Variants in SNAP25 observed in about 807,000 individuals in gnomAD.
SNAP25 encodes the protein synaptosomal-associated protein 25.
Under a neutral mutation model 28.7 loss-of-function variants are expected in SNAP25, and 3 were observed. The ratio of observed to expected loss-of-function variants is 0.10; its 90% CI spans 0.05 to 0.27. The LOEUF is 0.27. Among genes scored for constraint, SNAP25 ranks in the 10% least tolerant of loss-of-function variants. The pLI, the probability that SNAP25 is intolerant of heterozygous loss-of-function variation, is 1.00. For missense variants in SNAP25, 117 were observed against 278.7 expected (o/e 0.42, Z 4.13); for synonymous variants, 61 against 88.1 (o/e 0.69, Z 1.72).
intron 1 of SNAP25, among the ~76,000 whole-genome samples, chr20:10,243,547 G>A (rs1341539608): frequency 6.6e-6 from 1 of 152,110 alleles, no homozygotes; most frequent in Non-Finnish European, 1.5e-5. Flanking sequence ...GTCTTCAGGA[G>A]CATTGACAGG....
chr20:10,250,182 G>A (rs756542319), intron 1 of SNAP25, among the ~76,000 whole-genome samples: 16 of 152,066 alleles, frequency 1.1e-4, no homozygotes, highest in Non-Finnish European at 1.8e-4. Context: ...TCTTATTTAG[G>A]GAACTCAGTT....
intron 1 of SNAP25, among the ~76,000 whole-genome samples, chr20:10,264,824 T>G (rs1275948300): frequency 1.3e-5 from 2 of 151,856 alleles, no homozygotes; most frequent in Non-Finnish European, 2.9e-5. Context: ...TAGCCCGACC[T>G]CCACAGATTG....
intron 1 of SNAP25, among the ~76,000 whole-genome samples, chr20:10,237,125 G>A (rs73075465): frequency 0.21 from 32,220 of 151,920 alleles, 3,823 homozygotes; most frequent in Non-Finnish European, 0.27. Context: ...TGGGGGAGTG[G>A]AGAATCTAGA....
chr20:10,220,621 T>C (rs1429821221), intron 1 of SNAP25, among the ~76,000 whole-genome samples: 1 of 152,212 alleles, frequency 6.6e-6, no homozygotes, highest in Admixed American at 6.5e-5. Context: ...GCAAAAGTCA[T>C]CAGGGGTATT....
intron 1 of SNAP25, among the ~76,000 whole-genome samples, chr20:10,267,937 C>A (rs2063532536): frequency 6.6e-6 from 1 of 152,136 alleles, no homozygotes; most frequent in Non-Finnish European, 1.5e-5. Flanking sequence ...TTTTTTAAAT[C>A]ACCCAAACTC....
intron 4 of SNAP25, among the ~76,000 whole-genome samples, chr20:10,288,488 A>C (rs1036431897): frequency 4.6e-5 from 7 of 152,240 alleles, no homozygotes; most frequent in African/African-American, 1.7e-4. Context: ...TGAAATCTTC[A>C]TAAAAATGCA....
intron 1 of SNAP25, among the ~76,000 whole-genome samples, chr20:10,269,800 C>T (rs2063561437): frequency 6.6e-6 from 1 of 152,184 alleles, no homozygotes; most frequent in Non-Finnish European, 1.5e-5. Context: ...TTTCACATGT[C>T]ACAAAATTTT....
chr20:10,296,184 T>A (rs948434615), intron 5 of SNAP25: 1 of 152,262 alleles, frequency 6.6e-6, no homozygotes, highest in African/African-American at 2.4e-5. Flanking sequence ...TGGTGCTAGA[T>A]GGCTTGTTCT....
chr20:10,261,474 G>A lies in SNAP25; in HGVS notation c.-63-13955G>A, dbSNP rs568688836. Among the ~76,000 whole-genome samples the A allele has an allele frequency of 4.6e-5, 7 of 152,304 alleles. No individual in the cohort carries two copies. The South Asian group carries it at 1.5e-3, about 32-fold the overall frequency. On this transcript the variant is annotated intron_variant, in intron 1 of 7. Transcript: ENST00000254976. ...TGGAAACATAGGCAAGAATGTGGGT[G>A]TGTGATCCATCCCCTTATCTATAGC...
intron 2 of SNAP25, among the ~76,000 whole-genome samples, chr20:10,277,108 G>A (rs1462130541): frequency 1.3e-5 from 2 of 152,156 alleles, no homozygotes; most frequent in African/African-American, 2.4e-5. Flanking sequence ...CAGCCTTTCC[G>A]TCTCGTTTTT....
chr20:10,291,090 T>TG (rs1360731065), intron 4 of SNAP25, among the ~76,000 whole-genome samples: 3 of 152,240 alleles, frequency 2.0e-5, no homozygotes, highest in Non-Finnish European at 4.4e-5. Context: ...TTTTTATTTT[T>TG]GGGACGGAGT....
intron 1 of SNAP25, among the ~76,000 whole-genome samples, chr20:10,252,855 C>T (rs1356157673): frequency 1.3e-5 from 2 of 148,548 alleles, no homozygotes; most frequent in East Asian, 3.9e-4. Context: ...GTTTTGGCCA[C>T]TTAGTAAGTG....
intron 1 of SNAP25, among the ~76,000 whole-genome samples, chr20:10,247,397 T>G (rs1199340905): frequency 1.3e-5 from 2 of 152,202 alleles, no homozygotes; most frequent in Admixed American, 6.5e-5. Flanking sequence ...ATTCTTCCTG[T>G]CCTAGCCCAC....
At chr20:10,265,164 T>A (rs1481894820) in intron 1 of SNAP25, among the ~76,000 whole-genome samples, 1 of 152,188 alleles carries the variant, frequency 6.6e-6, no homozygotes, top group African/African-American at 2.4e-5. Flanking sequence ...TATTTCCTGC[T>A]ATGAAAAGAG....
chr20:10,278,531 C>T (rs1445031543), intron 3 of SNAP25, among the ~76,000 whole-genome samples: 3 of 152,164 alleles, frequency 2.0e-5, no homozygotes, highest in Admixed American at 6.5e-5. Context: ...CTATACTTAT[C>T]TTAACCTAAT....
chr20:10,248,259 A>G (rs1033097062), intron 1 of SNAP25, among the ~76,000 whole-genome samples: 1 of 152,248 alleles, frequency 6.6e-6, no homozygotes, highest in African/African-American at 2.4e-5. Flanking sequence ...CGGGAGACCC[A>G]TAAAATAGTT....
intron 7 of SNAP25, among the ~76,000 whole-genome samples, chr20:10,301,420 A>G (rs1293608767): frequency 6.6e-6 from 1 of 151,964 alleles, no homozygotes; most frequent in African/African-American, 2.4e-5. Context: ...TTTTTTTTCC[A>G]GAATCAAAAT....
At chr20:10,247,081 G>A (rs2063142231) in intron 1 of SNAP25, among the ~76,000 whole-genome samples, 1 of 152,050 alleles carries the variant, frequency 6.6e-6, no homozygotes, top group Non-Finnish European at 1.5e-5. Flanking sequence ...CATGAAGATG[G>A]CCTCATGCGT....
chr20:10,222,394 T>C (rs549869742), intron 1 of SNAP25, among the ~76,000 whole-genome samples: 62 of 152,294 alleles, frequency 4.1e-4, no homozygotes, highest in Non-Finnish European at 5.4e-4. Context: ...GAGATGGCTT[T>C]TGGAGGTTGC....
Sources: gnomAD v4.1 joint callset for allele counts (sites outside exome capture counted in the v4.1 genomes callset) on GRCh38, gnomAD v4.1.1 for gene constraint, MANE v1.5 for transcripts, NCBI Gene and HGNC (gene_info 2026-07-23, HGNC 2026-07-21) for gene names.